The following EPHA7 variants were observed in gnomAD, a reference collection of about 807,000 sequenced individuals.
EPHA7 encodes the protein EPH receptor A7, also known as ephrin type-A receptor 7.
Under a neutral mutation model 112.6 loss-of-function variants are expected in EPHA7, and 25 were observed. The observed-to-expected ratio is 0.22, with a 90% CI of 0.16 to 0.31. The LOEUF is 0.31. EPHA7 is among the 10% of genes least tolerant of loss of function. EPHA7 has a pLI of 1.00. For synonymous variants in EPHA7, 437 were observed against 406.5 expected, an observed-to-expected ratio of 1.07 and a Z score of -0.90; for missense variants, 962 against 1,212.6, an observed-to-expected ratio of 0.79 and a Z score of 3.07.
At chr6:93,354,621 C>A (rs1363477315) in intron 5 of EPHA7, among the ~76,000 whole-genome samples, 1 of 144,462 alleles carries the variant, frequency 6.9e-6, no homozygotes, top group East Asian at 2.2e-4. Context: ...TCAACCTCCC[C>A]CACAAATAAA....
At chr6:93,296,078 T>A (rs191452203) in intron 5 of EPHA7, among the ~76,000 whole-genome samples, 1 of 151,906 alleles carries the variant, frequency 6.6e-6, no homozygotes, top group Non-Finnish European at 1.5e-5. Context: ...TTTTGAGGTC[T>A]TCTTAATGCC....
Position 93,419,550 on chromosome 6 carries a change from A to C in EPHA7, c.-209T>G. On this transcript the variant is annotated 5_prime_UTR_variant, in exon 1 of 17. Transcript: ENST00000369303. ...CGTGTTTGCTGCCTGCAAGTCTCCG[A>C]CTGCAGACCGGCCGCTTGCTCCACA... 1 of 504,764 alleles carries C rather than the reference A, an allele frequency of 2.0e-6. No homozygotes were observed. The highest frequency in any genetic ancestry group is 3.5e-6 in the Non-Finnish European group (1 of 289,546). The allele number at this position is 504,764 out of a possible 1,614,324, so 31.3% of individuals were successfully genotyped here.
chr6:93,330,164 A>G (rs1774521492), intron 5 of EPHA7, among the ~76,000 whole-genome samples: 1 of 151,304 alleles, frequency 6.6e-6, no homozygotes, highest in Admixed American at 6.6e-5. Context: ...TTTAATTGAC[A>G]CATAATAATT....
At chr6:93,291,900 A>G (rs560897436) in intron 5 of EPHA7, among the ~76,000 whole-genome samples, 1 of 152,294 alleles carries the variant, frequency 6.6e-6, no homozygotes, top group African/African-American at 2.4e-5. Context: ...GATAAGGTGC[A>G]AAAGAACTTT....
chr6:93,300,599 T>A (rs1014164061), intron 5 of EPHA7, among the ~76,000 whole-genome samples: 2 of 152,200 alleles, frequency 1.3e-5, no homozygotes, highest in South Asian at 4.1e-4. Flanking sequence ...ACACTTAATC[T>A]GTAATTTTTA....
At chr6:93,306,591 T>G (rs548011167) in intron 5 of EPHA7, among the ~76,000 whole-genome samples, 3 of 152,102 alleles carry the variant, frequency 2.0e-5, no homozygotes, top group East Asian at 1.9e-4. Flanking sequence ...AAATATACAT[T>G]TTAATGTAAA....
At position 93,410,980 on chromosome 6, in the gene EPHA7, G is replaced by A; in HGVS notation, c.353C>T (p.Thr118Ile). 3.1e-6 allele frequency: 5 copies of A among 1,614,040 alleles called. No individual in the cohort carries two copies. Among genetic ancestry groups the A allele is most frequent in the Non-Finnish European group, 4.2e-6 (5 of 1,179,992 alleles). ...GTACAAATTAAATGTTTCCTTGCAA[G>A]TTCCCAGTACTCCAGGAAGACTGTT... is the stretch of plus-strand genomic sequence containing the variant. ...DCNSLPGVLG[T>I]CKETFNLYYY... is the part of the protein sequence containing the mutation. Residue 118 changes from threonine (T) to isoleucine (I), a missense_variant, in exon 3 of 17, where the codon ACT becomes ATT. Coordinates refer to ENST00000369303, the MANE Select transcript of EPHA7 (RefSeq NM_004440.4). The surrounding 1 kb of genome is among the most constrained non-coding windows in gnomAD (Gnocchi z 4.0).
At chr6:93,369,186 AC>A (rs1185283842) in intron 3 of EPHA7, among the ~76,000 whole-genome samples, 2 of 62,754 alleles carry the variant, frequency 3.2e-5, no homozygotes, top group African/African-American at 8.9e-5. Flanking sequence ...AAGGCCACAC[AC>A]ACACACACAC....
chr6:93,273,087 A>G (rs1002600682), intron 5 of EPHA7, among the ~76,000 whole-genome samples: 1 of 151,996 alleles, frequency 6.6e-6, no homozygotes, highest in African/African-American at 2.4e-5. Flanking sequence ...CTAGGCTTCA[A>G]GCTTTGAAAG....
chr6:93,329,293 T>C (rs1214569430), intron 5 of EPHA7, among the ~76,000 whole-genome samples: 1 of 151,442 alleles, frequency 6.6e-6, no homozygotes, highest in Non-Finnish European at 1.5e-5. Flanking sequence ...TATCATACTT[T>C]TAAAATCAGA....
rs150790121 is a variant in EPHA7, at chr6:93,383,321, T to TTG, written c.833-24912_833-24911dup. On this transcript the variant is annotated intron_variant, in intron 3 of 16. Transcript: ENST00000369303. ...ACAATGACTTATATCAGAACTCATT[T>TTG]TGTGTGTGTGTGTGTGTGTGTATAA... Among the ~76,000 whole-genome samples, 648 of 146,538 alleles carry TTG rather than the reference T, an allele frequency of 4.4e-3. 4 individuals carry two copies. Among genetic ancestry groups the TTG allele is most frequent in the African/African-American group, 0.011 (432 of 39,886 alleles).
chr6:93,301,348 A>G (rs1258141036), intron 5 of EPHA7, among the ~76,000 whole-genome samples: 1 of 152,148 alleles, frequency 6.6e-6, no homozygotes, highest in Non-Finnish European at 1.5e-5. Flanking sequence ...TACTTAAAAT[A>G]TTTTTGTGTT....
chr6:93,419,550 A>T lies in EPHA7; in HGVS notation c.-209T>A, dbSNP rs1352399540. 3 of 504,654 alleles carry T rather than the reference A, an allele frequency of 5.9e-6. No homozygotes were observed. The highest frequency in any genetic ancestry group is 4.0e-5 in the African/African-American group (2 of 49,940). 31.3% of individuals were successfully genotyped at this position (504,654 alleles called of 1,614,324 possible). ...CGTGTTTGCTGCCTGCAAGTCTCCGACTGCAGACCGGCCGCTTGCTCCACA... is the reference window on the plus strand; with the variant it reads ...CGTGTTTGCTGCCTGCAAGTCTCCGTCTGCAGACCGGCCGCTTGCTCCACA... On this transcript the variant is annotated 5_prime_UTR_variant, in exon 1 of 17. Transcript: ENST00000369303.
At chr6:93,318,769 A>T (rs961597321) in intron 5 of EPHA7, among the ~76,000 whole-genome samples, 1 of 152,138 alleles carries the variant, frequency 6.6e-6, no homozygotes, top group South Asian at 2.1e-4. Context: ...ATCATTTGTC[A>T]GCTTTTCCTT....
At chr6:93,333,090 C>G (rs1774679301) in intron 5 of EPHA7, among the ~76,000 whole-genome samples, 1 of 151,640 alleles carries the variant, frequency 6.6e-6, no homozygotes, top group Non-Finnish European at 1.5e-5. Context: ...TTGTGTCTCT[C>G]TGTACTCAGT....
intron 12 of EPHA7, 144 bp downstream of exon 12, chr6:93,257,318 A>T (rs1188041964): frequency 1.2e-5 from 7 of 576,830 alleles, no homozygotes; most frequent in African/African-American, 1.9e-5. Flanking sequence ...TTGAACTCTG[A>T]TTATTAATCT....
Position 93,419,429 on chromosome 6 carries a change from A to G in EPHA7, c.-88T>C, listed in dbSNP as rs886189562. 2.9e-5 allele frequency: 32 copies of G among 1,087,422 alleles called. No individual in the cohort carries two copies. Among genetic ancestry groups the G allele is most frequent in the East Asian group, 2.3e-4 (9 of 39,488 alleles). The allele number at this position is 1,087,422 out of a possible 1,614,324, so 67.4% of individuals were successfully genotyped here. A position where few individuals can be genotyped will look rare whatever the true frequency, so the allele number is the denominator to read the frequency against. On this transcript the variant is annotated 5_prime_UTR_variant, in exon 1 of 17. An upstream open reading frame in the 5' UTR loses its in-frame stop. Transcript: ENST00000369303. ...TTTGTTCCGAAGTAGCTTTTGTTTTATTGTGCTCCTTGCATCGATTCCCCT... is the reference window on the plus strand; with the variant it reads ...TTTGTTCCGAAGTAGCTTTTGTTTTGTTGTGCTCCTTGCATCGATTCCCCT...
At chr6:93,393,115 C>A (rs915630301) in intron 3 of EPHA7, among the ~76,000 whole-genome samples, 6 of 151,958 alleles carry the variant, frequency 3.9e-5, no homozygotes, top group African/African-American at 1.2e-4. Context: ...AGTCTGACTG[C>A]ATTTAAGGAT....
intron 3 of EPHA7, among the ~76,000 whole-genome samples, chr6:93,383,516 C>A (rs1048737182): frequency 6.6e-6 from 1 of 151,922 alleles, no homozygotes; most frequent in African/African-American, 2.4e-5. Context: ...ACTTCACCAA[C>A]AAAATGTATT....
Sources: allele counts gnomAD v4.1 joint callset (sites outside exome capture counted in the v4.1 genomes callset), GRCh38; gene constraint gnomAD v4.1.1; non-coding constraint Gnocchi (gnomAD v3.1); transcripts MANE v1.5; gene names NCBI Gene and HGNC (gene_info 2026-07-23, HGNC 2026-07-21).